Variants in RBMS1 observed in about 807,000 individuals in gnomAD.
The protein encoded by RBMS1 is RNA-binding motif, single-stranded-interacting protein 1.
RBMS1 carries 17 observed loss-of-function variants against 62.3 expected under a neutral mutation model. The ratio of observed to expected loss-of-function variants is 0.27; its 90% confidence interval spans 0.19 to 0.41. The LOEUF (loss-of-function observed/expected upper bound fraction) is 0.41. RBMS1 is among the 10% of genes least tolerant of loss of function. The pLI is 1.00. For synonymous variants in RBMS1, 172 were observed against 170.0 expected (o/e 1.01, Z -0.09); for missense variants, 334 against 504.5 (o/e 0.66, Z 3.24).
intron 1 of RBMS1, among the ~76,000 whole-genome samples, chr2:160,418,110 T>C (rs1489541401): frequency 2.0e-5 from 3 of 152,222 alleles, no homozygotes. Context: ...CCTAAATCTA[T>C]AGATATTTAT....
chr2:160,340,019 A>G (rs918739458), intron 2 of RBMS1, among the ~76,000 whole-genome samples: 1 of 152,162 alleles, frequency 6.6e-6, no homozygotes, highest in African/African-American at 2.4e-5. Flanking sequence ...TTAAAGGATC[A>G]GTTTAGATTA....
intron 1 of RBMS1, among the ~76,000 whole-genome samples, chr2:160,448,247 A>G (rs1477521333): frequency 6.6e-6 from 1 of 152,106 alleles, no homozygotes; most frequent in Non-Finnish European, 1.5e-5. Flanking sequence ...GGTAGAAATC[A>G]CCTGACTACT....
At chr2:160,364,094 T>A (rs1693271505) in intron 2 of RBMS1, among the ~76,000 whole-genome samples, 1 of 152,198 alleles carries the variant, frequency 6.6e-6, no homozygotes, top group Non-Finnish European at 1.5e-5. Flanking sequence ...CAAATATTTA[T>A]ATGACAAATA....
At chr2:160,493,065 C>T (rs1246978833) in intron 1 of RBMS1, 18 of 517,322 alleles carry the variant, frequency 3.5e-5, no homozygotes, top group Non-Finnish European at 5.8e-5. Context: ...TAGTCTCTCC[C>T]CCCGCGGCTT....
chr2:160,290,073 C>T (rs892759468), intron 6 of RBMS1, among the ~76,000 whole-genome samples: 9 of 135,662 alleles, frequency 6.6e-5, no homozygotes, highest in East Asian at 2.2e-4. Flanking sequence ...TGTGTGTGAG[C>T]GTGTTACAAA....
chr2:160,407,021 C>A (rs550670470), intron 1 of RBMS1, among the ~76,000 whole-genome samples: 1 of 149,742 alleles, frequency 6.7e-6, no homozygotes, highest in Non-Finnish European at 1.5e-5. Flanking sequence ...CAGACACACA[C>A]AGAGACACAG....
At chr2:160,404,812 C>T (rs931378489) in intron 1 of RBMS1, among the ~76,000 whole-genome samples, 10 of 152,210 alleles carry the variant, frequency 6.6e-5, no homozygotes, top group African/African-American at 2.4e-4. Context: ...CAAGTTCTCC[C>T]TCCCCAAAAA....
At chr2:160,366,726 A>C (rs1421284773) in intron 2 of RBMS1, among the ~76,000 whole-genome samples, 2 of 152,236 alleles carry the variant, frequency 1.3e-5, no homozygotes, top group African/African-American at 4.8e-5. Flanking sequence ...ATGAGGGTGT[A>C]CAATCCAGAC....
chr2:160,318,068 T>G, intron 3 of RBMS1, 101 bp downstream of exon 3: 1 of 1,503,172 alleles, frequency 6.7e-7, no homozygotes, highest in South Asian at 1.2e-5. Context: ...AGATCTGGTT[T>G]TTAATAAAAC....
intron 1 of RBMS1, among the ~76,000 whole-genome samples, chr2:160,421,194 G>A (rs565512503): frequency 2.7e-5 from 4 of 150,720 alleles, no homozygotes; most frequent in East Asian, 3.9e-4. Context: ...TGTGTACAAC[G>A]TGCAGGTTTG....
At chr2:160,439,310 CG>C (rs370501054) in intron 1 of RBMS1, among the ~76,000 whole-genome samples, 3,734 of 149,910 alleles carry the variant, frequency 0.025, 65 homozygotes, top group Middle Eastern at 0.05. Flanking sequence ...GGGCGGCTGC[CG>C]GGCGGAAGGG....
intron 1 of RBMS1, among the ~76,000 whole-genome samples, chr2:160,374,700 C>T (rs1374013107): frequency 3.9e-5 from 6 of 152,130 alleles, no homozygotes; most frequent in Admixed American, 3.3e-4. Flanking sequence ...GAGGCCAAGG[C>T]AGGTGGATCA....
intron 9 of RBMS1, 111 bp downstream of exon 9, chr2:160,284,664 A>G (rs1464705905): frequency 1.2e-6 from 1 of 868,230 alleles, no homozygotes; most frequent in Admixed American, 1.9e-5. Flanking sequence ...AAGCTGCATA[A>G]TATTTGACTC....
chr2:160,384,146 A>G (rs1051212042), intron 1 of RBMS1, among the ~76,000 whole-genome samples: 1 of 152,226 alleles, frequency 6.6e-6, no homozygotes, highest in Non-Finnish European at 1.5e-5. Flanking sequence ...GCAGTGAGCC[A>G]AGATCGTGCC....
At position 160,311,222 on chromosome 2, in the gene RBMS1, ATC is replaced by A. The variant is rs1481615203; in HGVS notation, c.402+1932_402+1933del. On this transcript the variant is annotated intron_variant, in intron 4 of 13. Coordinates refer to ENST00000348849, the MANE Select transcript of RBMS1 (RefSeq NM_016836.4). ...AAAAAAAAAAAAAATCTATCTATCT[ATC>A]TATCTATCTATATATATATATATAT... Among the ~76,000 whole-genome samples, 78 of 75,496 alleles carry A rather than the reference ATC, an allele frequency of 1.0e-3. 6 individuals carry two copies. The highest frequency in any genetic ancestry group is 3.6e-3 in the Admixed American group (23 of 6,308). The allele number at this position is 75,496 out of a possible 152,430, so 49.5% of individuals were successfully genotyped here.
intron 4 of RBMS1, among the ~76,000 whole-genome samples, chr2:160,311,220 CTATCTATCTATCTA>C (rs1427435159): frequency 4.7e-5 from 4 of 84,990 alleles, no homozygotes; most frequent in African/African-American, 1.6e-4. Context: ...ATCTATCTAT[CTATCTATCTATCTA>C]TATATATATA....
At chr2:160,314,362 G>A (rs572375876) in intron 3 of RBMS1, among the ~76,000 whole-genome samples, 47 of 152,230 alleles carry the variant, frequency 3.1e-4, no homozygotes, top group African/African-American at 1.1e-3. Context: ...AATTGTAAAT[G>A]AATAAGAATA....
chr2:160,478,661 A>T (rs1235424884), intron 1 of RBMS1, among the ~76,000 whole-genome samples: 2 of 152,188 alleles, frequency 1.3e-5, no homozygotes, highest in African/African-American at 4.8e-5. Flanking sequence ...TGCTCAATAT[A>T]TCCCAATTTC....
At chr2:160,389,424 G>A (rs755629922) in intron 1 of RBMS1, among the ~76,000 whole-genome samples, 2 of 152,114 alleles carry the variant, frequency 1.3e-5, no homozygotes, top group East Asian at 1.9e-4. Flanking sequence ...CAGGATGGGC[G>A]TGGTGGCTCA....
Sources: allele counts gnomAD v4.1 joint callset (sites outside exome capture counted in the v4.1 genomes callset), GRCh38; gene constraint gnomAD v4.1.1; transcripts MANE v1.5; gene names NCBI Gene and HGNC (gene_info 2026-07-23, HGNC 2026-07-21).